The following MOB1A variants were observed in gnomAD, a reference collection of about 807,000 sequenced individuals.
The protein encoded by MOB1A is MOB1 Mps One Binder homolog A.
MOB1A carries 10 observed loss-of-function variants against 25.1 expected under a neutral mutation model. That is an observed-to-expected ratio of 0.40 (90% CI 0.25 to 0.68). The LOEUF (loss-of-function observed/expected upper bound fraction) is 0.68, where lower values mean the gene tolerates loss of function less well. Ranked by LOEUF, MOB1A falls within the 30% of genes least tolerant of loss-of-function variation. The probability of loss-of-function intolerance (pLI) is 0.40; values close to 1 mark genes in which losing one functional copy is unlikely to be tolerated. For missense variants in MOB1A, 177 were observed against 256.3 expected, an observed-to-expected ratio of 0.69 and a Z score of 2.11; for synonymous variants, 81 against 79.5, an observed-to-expected ratio of 1.02 and a Z score of -0.10.
rs947868045 is a variant in MOB1A, at chr2:74,154,081, C to G, written c.*2487G>C. On this transcript the variant is annotated 3_prime_UTR_variant, in exon 6 of 6. Coordinates refer to ENST00000396049, the MANE Select transcript of MOB1A (RefSeq NM_018221.5). ...TGGCGGGCACCTGTAGTTCCAGCTA[C>G]TCAGGAGAGGCTGGGGCAGGAGAAT... The G allele has an allele frequency of 6.6e-6, 1 of 151,718 alleles. No homozygotes were observed. The highest frequency in any genetic ancestry group is 2.4e-5 in the African/African-American group (1 of 41,184). 9.4% of individuals were successfully genotyped at this position (151,718 alleles called of 1,614,324 possible). A position where few individuals can be genotyped will look rare whatever the true frequency, so the allele number is the denominator to read the frequency against.
intron 5 of MOB1A, among the ~76,000 whole-genome samples, chr2:74,156,978 T>C (rs771629953): frequency 2.0e-5 from 3 of 151,542 alleles, no homozygotes; most frequent in Non-Finnish European, 4.4e-5. Context: ...TATTGTGATA[T>C]AAGTATTTGG....
In MOB1A at chr2:74,156,627, T is replaced by C. The variant is rs763775474; in HGVS notation, c.592A>G (p.Arg198Gly). 1 of 1,554,176 alleles carries C rather than the reference T, an allele frequency of 6.4e-7. No homozygotes were observed. The highest frequency in any genetic ancestry group is 8.7e-7 in the Non-Finnish European group (1 of 1,147,748). Residue 198 changes from arginine (R) to glycine (G), a missense_variant, in exon 6 of 6, where the codon AGG becomes GGG. Arg to Gly is a moderately radical substitution (Grantham distance 125, BLOSUM62 -2). Transcript: ENST00000396049. ...FFVQEFNLID[R>G]RELAPLQELI... Reference sequence around the variant, plus strand: ...TCTTGAAGAGGTGCCAGCTCACGCCTATCAATCAGATTAAACTCCTAAAAA... The same window carrying C: ...TCTTGAAGAGGTGCCAGCTCACGCCCATCAATCAGATTAAACTCCTAAAAA...
chr2:74,167,150 CA>C, intron 2 of MOB1A, 43 bp from the exon 3 acceptor site: 3 of 1,504,142 alleles, frequency 2.0e-6, no homozygotes, highest in Non-Finnish European at 2.8e-6. Flanking sequence ...TGTGTAAACA[CA>C]AAATATGAGA....
intron 1 of MOB1A, chr2:74,178,457 T>G (rs573281182): frequency 2.7e-6 from 1 of 376,376 alleles, no homozygotes; most frequent in South Asian, 1.3e-4. Flanking sequence ...GCCTTCACGC[T>G]CCGTTTCCTT....
At chr2:74,158,202 G>GAA (rs11394713) in intron 5 of MOB1A, among the ~76,000 whole-genome samples, 17 of 135,988 alleles carry the variant, frequency 1.3e-4, no homozygotes, top group South Asian at 2.3e-4. Context: ...AAAGAGGGGG[G>GAA]AAAAAAAAAA....
chr2:74,165,227 A>C lies in MOB1A; in HGVS notation c.400T>G (p.Ser134Ala). 6.5e-7 allele frequency: 1 copy of C among 1,537,494 alleles called. No individual in the cohort carries two copies. The highest frequency in any genetic ancestry group is 8.8e-7 in the Non-Finnish European group (1 of 1,140,228). ...GACAATGTTAACTCACCAATCTTAG[A>C]AGGAAAAAGAGTTTCATCATCAAGC... ...DQLDDETLFP[S>A]KIGVPFPKNF... The change falls in exon 4 of 6, where the codon TCT becomes GCT. Residue 134 changes from serine (S) to alanine (A), a missense_variant. Coordinates refer to ENST00000396049, the MANE Select transcript of MOB1A (RefSeq NM_018221.5).
intron 5 of MOB1A, among the ~76,000 whole-genome samples, chr2:74,158,708 G>GAACCCTCCTCACT (rs1469776892): frequency 6.6e-6 from 1 of 151,712 alleles, no homozygotes; most frequent in African/African-American, 2.4e-5. Context: ...GAACCCAGGA[G>GAACCCTCCTCACT]GCGGAGGTTG....
intron 2 of MOB1A, among the ~76,000 whole-genome samples, chr2:74,169,918 C>T (rs1693239109): frequency 6.6e-6 from 1 of 152,026 alleles, no homozygotes; most frequent in Non-Finnish European, 1.5e-5. Flanking sequence ...CATGAGCCAC[C>T]ATGCCCAGCT....
chr2:74,173,961 A>G lies in MOB1A; in HGVS notation c.15-1209T>C, dbSNP rs1366922496. Among the ~76,000 whole-genome samples the G allele has an allele frequency of 4.1e-5, 6 of 146,822 alleles. No individual in the cohort carries two copies. In the East Asian group the frequency reaches 1.2e-3, roughly 30 times the overall value. ...GAAACTCCGTCTCAAAAAAAAAAAA[A>G]AAAAAAAAGAAAATGATGGGGCCAT... On this transcript the variant is annotated intron_variant, in intron 1 of 5. Transcript: ENST00000396049.
rs1433697160 is a variant in MOB1A at position 74,167,085 on chromosome 2, G to T, written c.204C>A (p.Ile68=). 3 of 1,613,688 alleles carry T rather than the reference G, an allele frequency of 1.9e-6. No individual in the cohort carries two copies. The change falls in exon 3 of 6, where the codon ATC becomes ATA. Residue 68 remains isoleucine, a synonymous_variant. Coordinates refer to ENST00000396049, the MANE Select transcript of MOB1A (RefSeq NM_018221.5). ...CTGTAATAGTTCCATATAACATGTT[G>T]ATCTGGTTAAAGAAATCCACAGCTG... is the stretch of plus-strand genomic sequence containing the variant. ...AVNTVDFFNQ[I]NMLYGTITEF...
Position 74,159,118 on chromosome 2 carries a change from G to T in MOB1A, c.546C>A (p.Ser182=). Reference sequence around the variant, plus strand: ...GAACAAAGAAAATAAAGTGCTTAAAGGAGGTGTTGAGGTGGGCCTCCTCTT... The same window carrying T: ...GAACAAAGAAAATAAAGTGCTTAAATGAGGTGTTGAGGTGGGCCTCCTCTT... ...QLQEEAHLNT[S]FKHFIFFVQE... The change falls in exon 5 of 6, where the codon TCC becomes TCA. Residue 182 remains serine (S), a synonymous_variant. Coordinates refer to ENST00000396049, the MANE Select transcript of MOB1A (RefSeq NM_018221.5). 1 of 1,613,970 alleles carries T rather than the reference G, an allele frequency of 6.2e-7. No individual in the cohort carries two copies. The highest frequency in any genetic ancestry group is 8.5e-7 in the Non-Finnish European group (1 of 1,179,882).
intron 1 of MOB1A, among the ~76,000 whole-genome samples, chr2:74,175,574 A>T (rs951397305): frequency 1.3e-5 from 2 of 152,212 alleles, no homozygotes; most frequent in Admixed American, 1.3e-4. Context: ...CAAGCCATCC[A>T]TTCTACTTCT....
At chr2:74,175,139 C>T (rs879891513) in intron 1 of MOB1A, among the ~76,000 whole-genome samples, 8 of 152,162 alleles carry the variant, frequency 5.3e-5, no homozygotes, top group African/African-American at 1.7e-4. Context: ...CTCACAGGAG[C>T]GTGAACACTA....
At chr2:74,170,758 G>T (rs1035550173) in intron 2 of MOB1A, among the ~76,000 whole-genome samples, 5 of 151,492 alleles carry the variant, frequency 3.3e-5, no homozygotes, top group Non-Finnish European at 1.5e-5. Context: ...GGGCATGGTG[G>T]TGTGAGCCTG....
intron 1 of MOB1A, 117 bp downstream of exon 1, chr2:74,178,544 C>T: frequency 1.4e-6 from 1 of 707,580 alleles, no homozygotes; most frequent in Non-Finnish European, 2.0e-6. Context: ...GCAAAACAAA[C>T]GCCAGCTACC....
chr2:74,157,567 C>T (rs1401560025), intron 5 of MOB1A, among the ~76,000 whole-genome samples: 4 of 152,124 alleles, frequency 2.6e-5, no homozygotes, highest in Non-Finnish European at 5.9e-5. Context: ...GGGGGGCAGT[C>T]TTGTGGGACT....
At chr2:74,173,857 G>A (rs2103742850) in intron 1 of MOB1A, among the ~76,000 whole-genome samples, 1 of 149,718 alleles carries the variant, frequency 6.7e-6, no homozygotes. Flanking sequence ...GCTGAGGCAG[G>A]AGAATGGGGT....
At chr2:74,173,376 GTTT>G (rs35382378) in intron 1 of MOB1A, among the ~76,000 whole-genome samples, 1,880 of 93,202 alleles carry the variant, frequency 0.02, 21 homozygotes, top group African/African-American at 0.069. Flanking sequence ...CTCAATTTCG[GTTT>G]TTTTTTTTTT....
chr2:74,174,109 A>T (rs1216001174), intron 1 of MOB1A, among the ~76,000 whole-genome samples: 2 of 148,878 alleles, frequency 1.3e-5, no homozygotes, highest in Non-Finnish European at 3.0e-5. Flanking sequence ...CCACTAAAAA[A>T]CAAGTACAAA....
Sources: allele counts gnomAD v4.1 joint callset (sites outside exome capture counted in the v4.1 genomes callset), GRCh38; gene constraint gnomAD v4.1.1; transcripts MANE v1.5; gene names NCBI Gene and HGNC (gene_info 2026-07-23, HGNC 2026-07-21).